NHS: variants seen among roughly 807,000 people sequenced by gnomAD.
The protein encoded by NHS is actin remodeling regulator NHS.
In NHS, 5 loss-of-function variants were observed where a neutral mutation model predicts 72.5. The observed-to-expected ratio is 0.07, with a 90% CI of 0.04 to 0.14. NHS has a LOEUF of 0.14. NHS is among the 10% of genes least tolerant of loss of function. The probability of loss-of-function intolerance (pLI) is 1.00; values close to 1 mark genes in which losing one functional copy is unlikely to be tolerated. For synonymous variants in NHS, 464 were observed against 547.7 expected (o/e 0.85, Z 2.13); for missense variants, 1,072 against 1,355.7 (o/e 0.79, Z 3.29).
At chrX:17,430,307 CTTTCT>C (rs1569252775) in intron 1 of NHS, among the ~76,000 whole-genome samples, 2 of 66,994 alleles carry the variant, frequency 3.0e-5, no homozygotes, top group African/African-American at 1.2e-4. Flanking sequence ...TTCTTTCTTT[CTTTCT>C]TTCCTTTCTT....
intron 1 of NHS, among the ~76,000 whole-genome samples, chrX:17,429,429 T>C (rs761000202): frequency 4.9e-4 from 55 of 111,544 alleles, no homozygotes; most frequent in Non-Finnish European, 9.0e-4. Context: ...AGTAAGACCT[T>C]TGGAGAAATT....
At chrX:17,639,088 A>G (rs1209203324) in intron 1 of NHS, among the ~76,000 whole-genome samples, 1 of 111,879 alleles carries the variant, frequency 8.9e-6, no homozygotes, top group Admixed American at 9.4e-5. Flanking sequence ...CTCTTGTGGG[A>G]TGTTCCTCAA....
chrX:17,414,540 A>G (rs1445487665), intron 1 of NHS, among the ~76,000 whole-genome samples: 2 of 111,851 alleles, frequency 1.8e-5, no homozygotes, highest in Non-Finnish European at 3.8e-5. Flanking sequence ...CAATTAGGTA[A>G]TATGTTTTAG....
chrX:17,683,740 G>C (rs1473462586), intron 1 of NHS, among the ~76,000 whole-genome samples: 2 of 111,778 alleles, frequency 1.8e-5, no homozygotes, highest in East Asian at 5.6e-4. Flanking sequence ...CTGTTGTGGA[G>C]GATAAAAATG....
At chrX:17,415,883 C>T (rs2064591513) in intron 1 of NHS, among the ~76,000 whole-genome samples, 1 of 111,666 alleles carries the variant, frequency 9.0e-6, no homozygotes, top group East Asian at 2.8e-4. Flanking sequence ...ACTTTTGTTG[C>T]CATTTGCATG....
At chrX:17,533,072 A>G (rs1193732512) in intron 1 of NHS, among the ~76,000 whole-genome samples, 1 of 111,798 alleles carries the variant, frequency 8.9e-6, no homozygotes, top group Non-Finnish European at 1.9e-5. Context: ...AACAACAACC[A>G]TCACCAGAAA....
intron 1 of NHS, among the ~76,000 whole-genome samples, chrX:17,441,588 C>CCTA (rs1318622558): frequency 9.0e-6 from 1 of 111,510 alleles, no homozygotes; most frequent in Non-Finnish European, 1.9e-5. Flanking sequence ...GTTTTCCTGC[C>CCTA]CTGTACTGTA....
At chrX:17,490,084 C>G (rs1053005297) in intron 1 of NHS, among the ~76,000 whole-genome samples, 2 of 111,946 alleles carry the variant, frequency 1.8e-5, no homozygotes, top group Admixed American at 1.9e-4. Flanking sequence ...TGCCTGTTCA[C>G]TCTGATGATA....
chrX:17,521,975 T>C (rs960518733), intron 1 of NHS, among the ~76,000 whole-genome samples: 1 of 111,922 alleles, frequency 8.9e-6, no homozygotes, highest in Admixed American at 9.4e-5. Flanking sequence ...GTTGCTTCGT[T>C]TTGGTTTGGC....
intron 1 of NHS, among the ~76,000 whole-genome samples, chrX:17,565,071 G>A (rs989670525): frequency 2.8e-5 from 3 of 108,461 alleles, no homozygotes; most frequent in African/African-American, 1.0e-4. Context: ...GACTTGCTTT[G>A]AGCAACAGAA....
At chrX:17,671,373 G>A (rs1468397651) in intron 1 of NHS, among the ~76,000 whole-genome samples, 1 of 112,429 alleles carries the variant, frequency 8.9e-6, no homozygotes, top group African/African-American at 3.2e-5. Flanking sequence ...ATGCCCCAAA[G>A]CAACTCCTAA....
In NHS at chrX:17,650,977, T is replaced by G. The variant is rs1054601270; in HGVS notation, c.566-36765T>G. Among the ~76,000 whole-genome samples, 23 of 112,138 alleles carry G rather than the reference T, an allele frequency of 2.1e-4. No homozygotes were observed. In the Middle Eastern group the frequency reaches 0.014, roughly 68 times the overall value. On this transcript the variant is annotated intron_variant, in intron 1 of 8. Coordinates refer to ENST00000676302, the MANE Select transcript of NHS (RefSeq NM_001291867.2). ...GTAGAAGAATGAAAGCTTTGAAAAT[T>G]TGTAAGCTCAGCAATACAGAAATAC... is the stretch of plus-strand genomic sequence containing the variant.
At chrX:17,526,587 A>G (rs1410309744) in intron 1 of NHS, among the ~76,000 whole-genome samples, 2 of 112,011 alleles carry the variant, frequency 1.8e-5, no homozygotes, top group African/African-American at 6.5e-5. Flanking sequence ...GAGGGCTTAC[A>G]AGGTCTCATT....
At chrX:17,695,798 G>A (rs1308245940) in intron 3 of NHS, among the ~76,000 whole-genome samples, 1 of 110,798 alleles carries the variant, frequency 9.0e-6, no homozygotes, top group African/African-American at 3.3e-5. Context: ...AACAGGACAA[G>A]CCAATTTAGC....
chrX:17,567,727 A>G lies in NHS; in HGVS notation c.566-120015A>G, dbSNP rs1336802074. 3.7e-5 allele frequency among the ~76,000 whole-genome samples: 4 copies of G among 109,122 alleles called. No individual in the cohort carries two copies. In the South Asian group the frequency reaches 1.2e-3, roughly 34 times the overall value. 94.8% of individuals were successfully genotyped at this position (109,122 alleles called of 115,157 possible). On this transcript the variant is annotated intron_variant, in intron 1 of 8. Transcript: ENST00000676302. ...GAGAAAAGAAAAAGAGAGGAGGGAG[A>G]AGGAGAAGAAGAGAGAGAAAGAGAG...
At chrX:17,660,667 C>A (rs1444785950) in intron 1 of NHS, among the ~76,000 whole-genome samples, 2 of 112,149 alleles carry the variant, frequency 1.8e-5, no homozygotes, top group African/African-American at 6.5e-5. Flanking sequence ...GTGATCACTC[C>A]AGCAGGGTAA....
chrX:17,409,250 T>A (rs1294234626), intron 1 of NHS, among the ~76,000 whole-genome samples: 2 of 112,419 alleles, frequency 1.8e-5, no homozygotes, highest in East Asian at 5.6e-4. Flanking sequence ...TACTAGACTA[T>A]TCATGTTAAA....
intron 1 of NHS, among the ~76,000 whole-genome samples, chrX:17,546,289 C>T (rs1002820660): frequency 8.9e-6 from 1 of 112,387 alleles, no homozygotes; most frequent in Admixed American, 9.4e-5. Flanking sequence ...CATTCTCTGT[C>T]TCATTCCCCT....
intron 1 of NHS, among the ~76,000 whole-genome samples, chrX:17,645,799 A>G (rs2065903452): frequency 8.9e-6 from 1 of 112,376 alleles, no homozygotes; most frequent in Admixed American, 9.4e-5. Flanking sequence ...ATTTTTAAAA[A>G]TATTGTTTGT....
Sources: gnomAD v4.1 joint callset for allele counts (sites outside exome capture counted in the v4.1 genomes callset) on GRCh38, gnomAD v4.1.1 for gene constraint, MANE v1.5 for transcripts, NCBI Gene and HGNC (gene_info 2026-07-23, HGNC 2026-07-21) for gene names.